ADGRL3: variants seen among roughly 807,000 people sequenced by gnomAD.
ADGRL3 encodes calcium-independent alpha-latrotoxin receptor 3.
In ADGRL3, 62 loss-of-function variants were observed where a neutral mutation model predicts 153.5. The ratio of observed to expected loss-of-function variants is 0.40; its 90% CI spans 0.33 to 0.50. The LOEUF (loss-of-function observed/expected upper bound fraction) is 0.50. ADGRL3 is among the 20% of genes least tolerant of loss of function. The pLI is 0.47. For missense variants in ADGRL3, 1,641 were observed against 1,859.4 expected (o/e 0.88, Z 2.16); for synonymous variants, 710 against 672.5 (o/e 1.06, Z -0.86).
At chr4:61,465,493 C>T (rs1443429462) in intron 2 of ADGRL3, among the ~76,000 whole-genome samples, 1 of 151,668 alleles carries the variant, frequency 6.6e-6, no homozygotes, top group Non-Finnish European at 1.5e-5. Context: ...CATATTGGTC[C>T]TCATTCTATT....
At chr4:61,307,348 T>G (rs542936193) in intron 1 of ADGRL3, among the ~76,000 whole-genome samples, 1 of 152,174 alleles carries the variant, frequency 6.6e-6, no homozygotes, top group African/African-American at 2.4e-5. Flanking sequence ...TATGTTCAAA[T>G]TTGTGAGGTA....
chr4:61,328,019 T>C (rs1241057240), intron 1 of ADGRL3, among the ~76,000 whole-genome samples: 1 of 152,092 alleles, frequency 6.6e-6, no homozygotes, highest in Non-Finnish European at 1.5e-5. Flanking sequence ...CAATGGAGCA[T>C]GAGTTAGAGG....
chr4:62,004,740 G>C (rs139483221), intron 21 of ADGRL3, among the ~76,000 whole-genome samples: 2 of 152,076 alleles, frequency 1.3e-5, no homozygotes, highest in African/African-American at 4.8e-5. Flanking sequence ...AAAATCAAAT[G>C]TACTTCTCCA....
At chr4:61,896,263 A>G (rs5858739) in intron 11 of ADGRL3, among the ~76,000 whole-genome samples, 1 of 137,404 alleles carries the variant, frequency 7.3e-6, no homozygotes, top group Non-Finnish European at 1.5e-5. Context: ...AAATATACAC[A>G]TGTGTGACAG....
chr4:61,730,388 T>G (rs2096418928), intron 6 of ADGRL3, among the ~76,000 whole-genome samples: 1 of 151,910 alleles, frequency 6.6e-6, no homozygotes, highest in African/African-American at 2.4e-5. Context: ...TTGATTAATT[T>G]TTGCCCTTTT....
intron 3 of ADGRL3, among the ~76,000 whole-genome samples, chr4:61,505,099 T>G (rs2098418805): frequency 6.6e-6 from 1 of 152,162 alleles, no homozygotes; most frequent in Non-Finnish European, 1.5e-5. Context: ...TTTCTCCACA[T>G]CCTCACTAGC....
intron 2 of ADGRL3, among the ~76,000 whole-genome samples, chr4:61,411,930 T>C (rs2097092700): frequency 6.6e-6 from 1 of 152,202 alleles, no homozygotes; most frequent in Non-Finnish European, 1.5e-5. Flanking sequence ...TTTGAAACTT[T>C]TCTTCTTGTT....
intron 2 of ADGRL3, among the ~76,000 whole-genome samples, chr4:61,416,091 A>T (rs939888713): frequency 1.2e-4 from 19 of 152,102 alleles, no homozygotes; most frequent in African/African-American, 4.3e-4. Context: ...ATAGTTTTTT[A>T]AATATGAAGG....
intron 5 of ADGRL3, among the ~76,000 whole-genome samples, chr4:61,596,165 T>C (rs1480225155): frequency 1.3e-5 from 2 of 152,198 alleles, no homozygotes; most frequent in Non-Finnish European, 2.9e-5. Flanking sequence ...GGAGCTTTTC[T>C]ATGTGCAGAC....
intron 2 of ADGRL3, among the ~76,000 whole-genome samples, chr4:61,452,338 TTCTGCCCAGTTCTGCTTCCC>T (rs771347311): frequency 1.3e-3 from 204 of 152,250 alleles, no homozygotes; most frequent in Non-Finnish European, 2.5e-3. Context: ...TCTGCTTCCC[TTCTGCCCAGTTCTGCTTCCC>T]TTTCTTCTTG....
At chr4:61,506,998 T>A (rs1038347969) in intron 3 of ADGRL3, among the ~76,000 whole-genome samples, 3 of 152,172 alleles carry the variant, frequency 2.0e-5, no homozygotes, top group African/African-American at 7.2e-5. Flanking sequence ...CATTACTGAT[T>A]CTCTCCAAGC....
intron 2 of ADGRL3, among the ~76,000 whole-genome samples, chr4:61,421,117 G>A (rs1392567469): frequency 2.0e-5 from 3 of 152,096 alleles, no homozygotes; most frequent in African/African-American, 4.8e-5. Flanking sequence ...GGCGGATCAC[G>A]AGGTCAGGAG....
At chr4:61,836,866 A>G (rs1235889150) in intron 9 of ADGRL3, among the ~76,000 whole-genome samples, 1 of 152,148 alleles carries the variant, frequency 6.6e-6, no homozygotes, top group African/African-American at 2.4e-5. Context: ...TGTAGTAGTA[A>G]TACTGAATAA....
intron 6 of ADGRL3, among the ~76,000 whole-genome samples, chr4:61,722,124 G>T (rs1198286070): frequency 6.6e-6 from 1 of 152,118 alleles, no homozygotes; most frequent in Non-Finnish European, 1.5e-5. Flanking sequence ...ATCCTTAGGA[G>T]CATTTAAAAT....
chr4:61,918,620 C>G (rs2098754920), intron 13 of ADGRL3, among the ~76,000 whole-genome samples: 1 of 152,034 alleles, frequency 6.6e-6, no homozygotes, highest in Non-Finnish European at 1.5e-5. Flanking sequence ...TGAGGAGCAC[C>G]AGGAGAGCAT....
intron 5 of ADGRL3, among the ~76,000 whole-genome samples, chr4:61,660,486 T>G (rs1222150515): frequency 1.3e-5 from 2 of 152,170 alleles, no homozygotes; most frequent in Non-Finnish European, 2.9e-5. Context: ...CGATTTTTAT[T>G]TAGTCATTAT....
At chr4:61,666,778 T>C (rs2094814474) in intron 5 of ADGRL3, among the ~76,000 whole-genome samples, 1 of 152,264 alleles carries the variant, frequency 6.6e-6, no homozygotes, top group Non-Finnish European at 1.5e-5. Flanking sequence ...TGAATTCAAG[T>C]ACATACTCCA....
At chr4:61,209,646 A>C (rs1738979772) in intron 1 of ADGRL3, among the ~76,000 whole-genome samples, 1 of 151,944 alleles carries the variant, frequency 6.6e-6, no homozygotes, top group South Asian at 2.1e-4. Flanking sequence ...CTTATTTCTG[A>C]GCTCTTCTTC....
intron 1 of ADGRL3, among the ~76,000 whole-genome samples, chr4:61,298,710 C>T (rs563677989): frequency 6.6e-6 from 1 of 152,188 alleles, no homozygotes; most frequent in Admixed American, 6.5e-5. Context: ...TTCTTTACTT[C>T]TGTAGTTAAA....
Sources: allele counts gnomAD v4.1 joint callset (sites outside exome capture counted in the v4.1 genomes callset), GRCh38; gene constraint gnomAD v4.1.1; transcripts MANE v1.5; gene names NCBI Gene and HGNC (gene_info 2026-07-23, HGNC 2026-07-21).